C1QTNF3: variants seen among roughly 807,000 people sequenced by gnomAD.
C1QTNF3 encodes C1q and TNF related 3.
C1QTNF3 carries 26 observed loss-of-function variants against 32.6 expected under a neutral mutation model. The ratio of observed to expected loss-of-function variants is 0.80; its 90% CI spans 0.58 to 1.11. The LOEUF is 1.11. Ranked by LOEUF, C1QTNF3 falls within the 50% of genes least tolerant of loss-of-function variation. The pLI is 0.00. For synonymous variants in C1QTNF3, 155 were observed against 146.0 expected, an observed-to-expected ratio of 1.06 and a Z score of -0.44; for missense variants, 362 against 398.2, an observed-to-expected ratio of 0.91 and a Z score of 0.77.
the C1QTNF3 span, chr5:34,200,733 C>A: frequency 6.6e-6 from 1 of 152,120 alleles, no homozygotes; most frequent in Non-Finnish European, 1.5e-5. Context: ...TCGTCAATCT[C>A]TACATTCTGA....
At chr5:34,024,394 C>T (rs968758836) in intron 4 of C1QTNF3, 1 of 180,300 alleles carries the variant, frequency 5.5e-6, no homozygotes, top group African/African-American at 2.3e-5. Context: ...TGTGGTTGAA[C>T]AACGATGCTC....
the C1QTNF3 span, among the ~76,000 whole-genome samples, chr5:34,080,863 C>T: frequency 3.8e-4 from 58 of 151,766 alleles, no homozygotes; most frequent in South Asian, 0.012. Context: ...ACCATCAGTC[C>T]CTCCTCAACA....
the C1QTNF3 span, among the ~76,000 whole-genome samples, chr5:34,147,193 C>A: frequency 6.6e-6 from 1 of 152,156 alleles, no homozygotes; most frequent in Non-Finnish European, 1.5e-5. Context: ...ATAGGGAATG[C>A]GCATACACTG....
At chr5:34,194,944 T>G in the C1QTNF3 span, among the ~76,000 whole-genome samples, 60,059 of 131,096 alleles carry the variant, frequency 0.46, 15,652 homozygotes, top group African/African-American at 0.74. Flanking sequence ...AAAAAAGTCT[T>G]TACATGTTCA....
chr5:34,208,801 C>T, the C1QTNF3 span, among the ~76,000 whole-genome samples: 3 of 152,172 alleles, frequency 2.0e-5, no homozygotes, highest in Non-Finnish European at 2.9e-5. Context: ...AATTCCCAAT[C>T]GTCACTGCTT....
chr5:34,206,954 G>A, the C1QTNF3 span, among the ~76,000 whole-genome samples: 1 of 152,174 alleles, frequency 6.6e-6, no homozygotes, highest in East Asian at 1.9e-4. Flanking sequence ...GACAGGGTGA[G>A]CCCCCAAAGT....
chr5:34,063,521 G>A, the C1QTNF3 span, among the ~76,000 whole-genome samples: 3 of 152,068 alleles, frequency 2.0e-5, no homozygotes, highest in Non-Finnish European at 2.9e-5. Context: ...GTACTGGTGG[G>A]GGGGCTGGGG....
chr5:34,114,428 C>T, the C1QTNF3 span, among the ~76,000 whole-genome samples: 1 of 152,082 alleles, frequency 6.6e-6, no homozygotes, highest in Non-Finnish European at 1.5e-5. Flanking sequence ...AATTCAGTCT[C>T]ATATTTTGTT....
the C1QTNF3 span, chr5:34,166,849 C>G: frequency 1.3e-5 from 2 of 151,618 alleles, no homozygotes; most frequent in Non-Finnish European, 1.5e-5. Flanking sequence ...GGATTGAAAA[C>G]ATACCTAGAT....
chr5:34,045,302 A>C (rs1408444558), upstream of C1QTNF3, among the ~76,000 whole-genome samples: 2 of 152,198 alleles, frequency 1.3e-5, no homozygotes, highest in Non-Finnish European at 2.9e-5. Context: ...CCCTGGCTGC[A>C]TATTAAACCA....
At chr5:34,207,391 A>G in the C1QTNF3 span, among the ~76,000 whole-genome samples, 1 of 151,832 alleles carries the variant, frequency 6.6e-6, no homozygotes, top group African/African-American at 2.4e-5. Context: ...TGCTGTCTCC[A>G]GGCAGCCATT....
the C1QTNF3 span, among the ~76,000 whole-genome samples, chr5:34,057,170 C>T: frequency 1.3e-5 from 2 of 152,110 alleles, no homozygotes; most frequent in African/African-American, 2.4e-5. Flanking sequence ...CGACAAACAG[C>T]GATCCAAAGA....
chr5:34,117,185 C>T, the C1QTNF3 span, among the ~76,000 whole-genome samples: 1 of 152,086 alleles, frequency 6.6e-6, no homozygotes, highest in African/African-American at 2.4e-5. Context: ...CTTTGCACTT[C>T]TGTTTCCTTT....
At chr5:34,025,683 G>GT (rs1336124140) in intron 4 of C1QTNF3, among the ~76,000 whole-genome samples, 2 of 152,200 alleles carry the variant, frequency 1.3e-5, no homozygotes, top group African/African-American at 4.8e-5. Flanking sequence ...ATGACAGTTG[G>GT]TATCACTAGA....
At chr5:34,024,103 C>G in intron 4 of C1QTNF3, 95 bp from the exon 5 acceptor site, 1 of 859,774 alleles carries the variant, frequency 1.2e-6, no homozygotes, top group Non-Finnish European at 1.9e-6. Flanking sequence ...CTTCACATGT[C>G]TTTTATTGAT....
the C1QTNF3 span, among the ~76,000 whole-genome samples, chr5:34,177,326 T>G: frequency 1.3e-5 from 2 of 152,122 alleles, no homozygotes; most frequent in African/African-American, 4.8e-5. Flanking sequence ...CAAAGGTTCT[T>G]TTTTGAAACA....
At chr5:34,063,426 T>A in the C1QTNF3 span, among the ~76,000 whole-genome samples, 1 of 151,964 alleles carries the variant, frequency 6.6e-6, no homozygotes, top group Non-Finnish European at 1.5e-5. Flanking sequence ...CCTGATCTAT[T>A]ATGTTGTCAT....
chr5:34,060,375 G>T, the C1QTNF3 span, among the ~76,000 whole-genome samples: 2 of 152,130 alleles, frequency 1.3e-5, no homozygotes, highest in South Asian at 2.1e-4. Context: ...CCTGTAGCAG[G>T]TTACTGTAGT....
chr5:34,148,097 A>T, the C1QTNF3 span, among the ~76,000 whole-genome samples: 1 of 151,058 alleles, frequency 6.6e-6, no homozygotes. Context: ...GGGGTGACGG[A>T]CGCACCTGGA....
Sources: gnomAD v4.1 joint callset for allele counts (sites outside exome capture counted in the v4.1 genomes callset) on GRCh38, gnomAD v4.1.1 for gene constraint, MANE v1.5 for transcripts, NCBI Gene and HGNC (gene_info 2026-07-23, HGNC 2026-07-21) for gene names.